FBN1: variants seen among roughly 807,000 people sequenced by gnomAD.
FBN1 encodes fibrillin-1.
FBN1 carries 29 observed loss-of-function variants against 365.1 expected under a neutral mutation model. That is an observed-to-expected ratio of 0.08 (90% CI 0.06 to 0.11). The LOEUF is 0.11. FBN1 is among the 10% of genes least tolerant of loss of function. The pLI, the probability that FBN1 is intolerant of heterozygous loss-of-function variation, is 1.00. For synonymous variants in FBN1, 1,210 were observed against 1,270.5 expected (o/e 0.95, Z 1.01); for missense variants, 2,476 against 3,703.2 (o/e 0.67, Z 8.60).
At chr15:48,433,651 G>A (rs2043040887) in intron 54 of FBN1, among the ~76,000 whole-genome samples, 1 of 152,208 alleles carries the variant, frequency 6.6e-6, no homozygotes, top group Non-Finnish European at 1.5e-5. Flanking sequence ...ATCAGAATGT[G>A]TTTTGGAAAA....
chr15:48,577,901 T>C (rs1049166298), intron 6 of FBN1, among the ~76,000 whole-genome samples: 1 of 152,218 alleles, frequency 6.6e-6, no homozygotes, highest in Non-Finnish European at 1.5e-5. Context: ...TATGTCTTGT[T>C]GTAAAAGCAG....
rs1378270324 is a variant in FBN1 at position 48,641,683 on chromosome 15, A to G, written c.164+2923T>C. ...TGCATCTCCAATCAGAATGGTAAAC[A>G]GGTTTCACTGTAGTCAAAGAGGTGA... On this transcript the variant is annotated intron_variant, in intron 2 of 65. Transcript: ENST00000316623. 3.9e-5 allele frequency: 6 copies of G among 152,326 alleles called. No homozygotes were observed. In the East Asian group the frequency reaches 9.6e-4, roughly 24 times the overall value. 9.4% of individuals were successfully genotyped at this position (152,326 alleles called of 1,614,324 possible). A position where few individuals can be genotyped will look rare whatever the true frequency, so the allele number is the denominator to read the frequency against.
chr15:48,617,520 G>T (rs1889681282), intron 2 of FBN1, among the ~76,000 whole-genome samples: 1 of 152,146 alleles, frequency 6.6e-6, no homozygotes, highest in Non-Finnish European at 1.5e-5. Flanking sequence ...AGGGGAAAGA[G>T]GGAAAATACA....
At chr15:48,631,697 T>C (rs777327841) in intron 2 of FBN1, among the ~76,000 whole-genome samples, 11 of 152,210 alleles carry the variant, frequency 7.2e-5, no homozygotes, top group South Asian at 2.1e-4. Context: ...AGGGCTTATC[T>C]CTTTACCTCT....
chr15:48,526,973 G>C (rs976926744), intron 8 of FBN1, among the ~76,000 whole-genome samples: 3 of 152,160 alleles, frequency 2.0e-5, no homozygotes, highest in Admixed American at 6.5e-5. Flanking sequence ...CCAGGCACCC[G>C]ACACCCAATA....
At chr15:48,574,277 G>T (rs2044328302) in intron 6 of FBN1, among the ~76,000 whole-genome samples, 1 of 152,208 alleles carries the variant, frequency 6.6e-6, no homozygotes, top group Non-Finnish European at 1.5e-5. Context: ...TGGAAATAGA[G>T]AAGTGATTCT....
At chr15:48,532,287 T>G (rs2043979126) in intron 8 of FBN1, among the ~76,000 whole-genome samples, 1 of 152,182 alleles carries the variant, frequency 6.6e-6, no homozygotes, top group Non-Finnish European at 1.5e-5. Context: ...CCCTCAATCT[T>G]GAAGCTGATT....
At chr15:48,609,062 C>T (rs1236973995) in intron 4 of FBN1, among the ~76,000 whole-genome samples, 3 of 152,170 alleles carry the variant, frequency 2.0e-5, no homozygotes, top group Non-Finnish European at 4.4e-5. Context: ...ACTTCTTTTC[C>T]AACCCTGAGA....
At chr15:48,451,790 T>C (rs1457150332) in intron 45 of FBN1, among the ~76,000 whole-genome samples, 1 of 152,204 alleles carries the variant, frequency 6.6e-6, no homozygotes, top group African/African-American at 2.4e-5. Context: ...AAGAAAATCA[T>C]TCTGAGATAT....
intron 55 of FBN1, among the ~76,000 whole-genome samples, chr15:48,432,455 A>G (rs1396668743): frequency 6.6e-6 from 1 of 152,210 alleles, no homozygotes; most frequent in Admixed American, 6.5e-5. Context: ...TTGAAATAGA[A>G]TATCCTTTGG....
At chr15:48,532,426 G>A (rs1296184007) in intron 8 of FBN1, among the ~76,000 whole-genome samples, 1 of 152,020 alleles carries the variant, frequency 6.6e-6, no homozygotes, top group Admixed American at 6.6e-5. Flanking sequence ...ATATATGTGT[G>A]TGTGTATATA....
intron 49 of FBN1, among the ~76,000 whole-genome samples, 172 bp downstream of exon 49, chr15:48,444,369 T>C (rs2043137848): frequency 6.6e-6 from 1 of 152,232 alleles, no homozygotes; most frequent in African/African-American, 2.4e-5. Context: ...ATTAGCATGA[T>C]AATTAGTGCT....
Position 48,537,685 on chromosome 15 carries a change from C to A in FBN1, c.662G>T (p.Cys221Phe). The A allele has an allele frequency of 6.2e-7, 1 of 1,614,226 alleles. No homozygotes were observed. The highest frequency in any genetic ancestry group is 1.1e-5 in the South Asian group (1 of 91,080). ...GTGAGGCTGGGCAGGACACATCTCA[C>A]AGGGGTGGCCCCAGGCTCGGCCGAC... Reference protein sequence around the residue: ...ATVGRAWGHPCEMCPAQPHPC... With the variant: ...ATVGRAWGHPFEMCPAQPHPC... Residue 221 changes from cysteine to phenylalanine, a missense_variant, in exon 7 of 66, where the codon TGT becomes TTT. This residue lies in a region of FBN1 where 421 missense variants were observed against 520.1 expected (regional missense o/e 0.81). Coordinates refer to ENST00000316623, the MANE Select transcript of FBN1 (RefSeq NM_000138.5).
intron 42 of FBN1, among the ~76,000 whole-genome samples, chr15:48,462,338 G>A (rs997173051): frequency 4.2e-5 from 5 of 120,246 alleles, no homozygotes; most frequent in Non-Finnish European, 9.2e-5. Flanking sequence ...TTATTCAAAG[G>A]ATGCAATTTA....
rs375744146 is a variant in FBN1, at chr15:48,436,951, T to G, written c.6496+10A>C. The G allele has an allele frequency of 2.6e-6, 4 of 1,517,068 alleles. No homozygotes were observed. In the African/African-American group the frequency reaches 5.5e-5, roughly 21 times the overall value. The allele number at this position is 1,517,068 out of a possible 1,614,324, so 94.0% of individuals were successfully genotyped here. The stretch of plus-strand genomic sequence containing the variant: ...TGTAAAGTTCCTATGGAAGAAAACT[T>G]ATTACTCACCTACACATTCATTCCC... On this transcript the variant is annotated intron_variant, in intron 53 of 65. Coordinates refer to ENST00000316623, the MANE Select transcript of FBN1 (RefSeq NM_000138.5).
intron 17 of FBN1, among the ~76,000 whole-genome samples, chr15:48,503,105 C>T (rs1399487278): frequency 6.6e-6 from 1 of 151,846 alleles, no homozygotes; most frequent in Non-Finnish European, 1.5e-5. Context: ...CAAGACCAGC[C>T]TGGCCAATAT....
At chr15:48,639,686 A>G (rs548185353) in intron 2 of FBN1, among the ~76,000 whole-genome samples, 1 of 152,294 alleles carries the variant, frequency 6.6e-6, no homozygotes, top group East Asian at 1.9e-4. Flanking sequence ...ACAATCATGA[A>G]ACGCTAAACT....
At position 48,474,104 on chromosome 15, in the gene FBN1, AT is replaced by A. The variant is rs367657613; in HGVS notation, c.4210+150del. ...GGTCTCCCTAATTGACCTGGTTCCAATTTTTTTTTTCCCACAGAGCTCTAGT... is the reference window on the plus strand; with the variant it reads ...GGTCTCCCTAATTGACCTGGTTCCAATTTTTTTTTCCCACAGAGCTCTAGT... On this transcript the variant is annotated intron_variant, in intron 34 of 65. Coordinates refer to ENST00000316623, the MANE Select transcript of FBN1 (RefSeq NM_000138.5). 1,985 of 1,026,664 alleles carry A rather than the reference AT, an allele frequency of 1.9e-3. 1 individual carries two copies. The highest frequency in any genetic ancestry group is 2.7e-3 in the Middle Eastern group (12 of 4,510). 63.6% of individuals were successfully genotyped at this position (1,026,664 alleles called of 1,614,324 possible).
chr15:48,538,145 T>C (rs1488583227), intron 6 of FBN1, among the ~76,000 whole-genome samples: 1 of 152,174 alleles, frequency 6.6e-6, no homozygotes, highest in Non-Finnish European at 1.5e-5. Context: ...CTTAAGAAAA[T>C]ATATCAGTGC....
Sources: gnomAD v4.1 joint callset for allele counts (sites outside exome capture counted in the v4.1 genomes callset) on GRCh38, gnomAD v4.1.1 for gene constraint, gnomAD v4.1.1 regional missense constraint, MANE v1.5 for transcripts, NCBI Gene and HGNC (gene_info 2026-07-23, HGNC 2026-07-21) for gene names.